DCC: variants seen among roughly 807,000 people sequenced by gnomAD.
DCC encodes DCC netrin 1 receptor, also known as netrin receptor DCC.
In DCC, 58 loss-of-function variants were observed where a neutral mutation model predicts 172.5. The ratio of observed to expected loss-of-function variants is 0.34; its 90% confidence interval spans 0.27 to 0.42. DCC has a LOEUF of 0.42. Ranked by LOEUF, DCC falls within the 10% of genes least tolerant of loss-of-function variation. The probability of loss-of-function intolerance (pLI) is 1.00; values close to 1 mark genes in which losing one functional copy is unlikely to be tolerated. For missense variants in DCC, 1,740 were observed against 1,791.0 expected (o/e 0.97, Z 0.51); for synonymous variants, 709 against 644.5 (o/e 1.10, Z -1.52).
At chr18:52,769,952 A>G (rs1016355578) in intron 2 of DCC, among the ~76,000 whole-genome samples, 1 of 152,178 alleles carries the variant, frequency 6.6e-6, no homozygotes, top group African/African-American at 2.4e-5. Context: ...ACACCATCCA[A>G]ACAGAAACTG....
In DCC at chr18:52,566,816, TGGG is replaced by T. The variant is rs1466257131; in HGVS notation, c.92-185237_92-185235del. On this transcript the variant is annotated intron_variant, in intron 1 of 28. Transcript: ENST00000442544. The stretch of plus-strand genomic sequence containing the variant: ...GCAGGGCAAAGTAAAATGGTTTATT[TGGG>T]CTTGCCATTAATACGCTGTAGAAAT... Among the ~76,000 whole-genome samples the T allele has an allele frequency of 4.9e-4, 75 of 152,204 alleles. 1 individual carries two copies. The highest frequency in any genetic ancestry group is 1.8e-3 in the African/African-American group (74 of 41,548).
At chr18:53,306,083 C>A (rs1210607879) in intron 13 of DCC, among the ~76,000 whole-genome samples, 1 of 152,114 alleles carries the variant, frequency 6.6e-6, no homozygotes, top group Non-Finnish European at 1.5e-5. Flanking sequence ...TGATTCCCCT[C>A]TACCAATATT....
intron 1 of DCC, among the ~76,000 whole-genome samples, chr18:52,472,454 T>C (rs1988974074): frequency 6.6e-6 from 1 of 152,226 alleles, no homozygotes; most frequent in Non-Finnish European, 1.5e-5. Context: ...AGTACGTTTG[T>C]CTTTGCCATT....
chr18:52,363,492 T>C (rs934889817), intron 1 of DCC, among the ~76,000 whole-genome samples: 1 of 152,152 alleles, frequency 6.6e-6, no homozygotes, highest in African/African-American at 2.4e-5. Flanking sequence ...AACACCTCTC[T>C]TGCTCTTTGC....
chr18:53,352,335 A>T (rs552704990), intron 15 of DCC, among the ~76,000 whole-genome samples: 102 of 152,262 alleles, frequency 6.7e-4, no homozygotes, highest in Admixed American at 2.2e-3. Flanking sequence ...CAAATGCTGT[A>T]TCTGGGCATT....
intron 1 of DCC, among the ~76,000 whole-genome samples, chr18:52,658,289 G>A (rs1418036606): frequency 2.6e-5 from 4 of 152,108 alleles, no homozygotes; most frequent in African/African-American, 7.2e-5. Flanking sequence ...TTCATTCCTA[G>A]CATTTTGATT....
chr18:52,725,917 C>T (rs2036544989), intron 1 of DCC, among the ~76,000 whole-genome samples: 1 of 152,164 alleles, frequency 6.6e-6, no homozygotes, highest in South Asian at 2.1e-4. Context: ...CTTATGAACA[C>T]TCTTACACTT....
chr18:52,921,516 T>C (rs552071474), intron 3 of DCC, among the ~76,000 whole-genome samples: 3 of 151,986 alleles, frequency 2.0e-5, no homozygotes. Context: ...CTGGCCAACA[T>C]GGTGAAACTC....
At chr18:52,619,453 T>G (rs1297041249) in intron 1 of DCC, among the ~76,000 whole-genome samples, 1 of 152,212 alleles carries the variant, frequency 6.6e-6, no homozygotes, top group African/African-American at 2.4e-5. Context: ...ATTGGTTTTT[T>G]GGTTTGTTGT....
At chr18:52,359,990 A>G (rs918796643) in intron 1 of DCC, among the ~76,000 whole-genome samples, 3 of 152,230 alleles carry the variant, frequency 2.0e-5, no homozygotes, top group Non-Finnish European at 4.4e-5. Context: ...AATTAAGTCT[A>G]TGCTATAATT....
At chr18:52,968,635 A>G (rs752630981) in intron 5 of DCC, among the ~76,000 whole-genome samples, 32 of 152,198 alleles carry the variant, frequency 2.1e-4, no homozygotes, top group Admixed American at 2.1e-3. Flanking sequence ...TGGAAACTAG[A>G]TTCAAACAAC....
At chr18:53,445,143 G>T (rs1166473161) in intron 22 of DCC, among the ~76,000 whole-genome samples, 1 of 152,104 alleles carries the variant, frequency 6.6e-6, no homozygotes, top group Non-Finnish European at 1.5e-5. Flanking sequence ...GGTACAATGG[G>T]CTAAATTATC....
chr18:53,175,763 T>G (rs2055083016), intron 8 of DCC, among the ~76,000 whole-genome samples: 1 of 152,018 alleles, frequency 6.6e-6, no homozygotes, highest in Admixed American at 6.6e-5. Flanking sequence ...CAAGGTAATT[T>G]ACAGATTCAA....
chr18:53,059,187 C>G (rs143464303), intron 5 of DCC, among the ~76,000 whole-genome samples: 198 of 152,130 alleles, frequency 1.3e-3, no homozygotes, highest in African/African-American at 4.6e-3. Flanking sequence ...GTAACTGTCT[C>G]CATGATTAAA....
intron 12 of DCC, among the ~76,000 whole-genome samples, chr18:53,219,117 T>C (rs1457430010): frequency 6.6e-6 from 1 of 152,180 alleles, no homozygotes; most frequent in Non-Finnish European, 1.5e-5. Flanking sequence ...TAATAAGGAA[T>C]GTGATCTAGA....
intron 7 of DCC, among the ~76,000 whole-genome samples, chr18:53,106,627 C>T (rs1292219115): frequency 2.0e-5 from 3 of 151,880 alleles, no homozygotes; most frequent in Non-Finnish European, 4.4e-5. Flanking sequence ...GAAAGGGATC[C>T]TGATCTAGAC....
chr18:52,534,164 G>A (rs146183703), intron 1 of DCC, among the ~76,000 whole-genome samples: 188 of 151,908 alleles, frequency 1.2e-3, no homozygotes, highest in Middle Eastern at 6.8e-3. Flanking sequence ...TTTCATATTA[G>A]GATATTATTT....
intron 7 of DCC, among the ~76,000 whole-genome samples, chr18:53,123,974 A>C (rs2043519541): frequency 6.6e-6 from 1 of 152,066 alleles, no homozygotes; most frequent in Non-Finnish European, 1.5e-5. Flanking sequence ...ATGGGCTCTC[A>C]GCTGAATCAC....
At chr18:53,094,168 T>G (rs1031314291) in intron 7 of DCC, among the ~76,000 whole-genome samples, 90 of 152,296 alleles carry the variant, frequency 5.9e-4, no homozygotes, top group African/African-American at 2.1e-3. Flanking sequence ...ACCAGAGTAT[T>G]TAAGCTTTTA....
Sources: allele counts gnomAD v4.1 joint callset (sites outside exome capture counted in the v4.1 genomes callset), GRCh38; gene constraint gnomAD v4.1.1; transcripts MANE v1.5; gene names NCBI Gene and HGNC (gene_info 2026-07-23, HGNC 2026-07-21).